Variants in CTNNA1 observed in about 807,000 individuals in gnomAD.
CTNNA1 encodes catenin alpha 1, also known as catenin alpha-1.
CTNNA1 carries 37 observed loss-of-function variants against 98.4 expected under a neutral mutation model. The ratio of observed to expected loss-of-function variants is 0.38; its 90% CI spans 0.29 to 0.49. The LOEUF is 0.49. Ranked by LOEUF, CTNNA1 falls within the 20% of genes least tolerant of loss-of-function variation. CTNNA1 has a pLI of 0.95. For synonymous variants in CTNNA1, 404 were observed against 413.2 expected, an observed-to-expected ratio of 0.98 and a Z score of 0.27; for missense variants, 761 against 1,147.2, an observed-to-expected ratio of 0.66 and a Z score of 4.86.
At chr5:138,799,835 A>G (rs927149792) in intron 3 of CTNNA1, among the ~76,000 whole-genome samples, 1 of 151,342 alleles carries the variant, frequency 6.6e-6, no homozygotes, top group Non-Finnish European at 1.5e-5. Flanking sequence ...GCTGTGAGCT[A>G]AAATAAATTA....
chr5:138,881,149 C>G (rs1752820137), intron 7 of CTNNA1: 1 of 455,464 alleles, frequency 2.2e-6, no homozygotes, highest in Non-Finnish European at 4.4e-6. Context: ...TAAGACTGTC[C>G]TCCTTGAGAG....
intron 9 of CTNNA1, among the ~76,000 whole-genome samples, chr5:138,902,378 T>C (rs559961079): frequency 3.2e-4 from 49 of 152,314 alleles, no homozygotes; most frequent in African/African-American, 9.1e-4. Context: ...TCCTAAATGA[T>C]TGGAATAGGC....
At chr5:138,773,907 A>C (rs535561747) in intron 1 of CTNNA1, among the ~76,000 whole-genome samples, 17 of 152,158 alleles carry the variant, frequency 1.1e-4, no homozygotes, top group Admixed American at 7.2e-4. Flanking sequence ...TTTCTGAGAC[A>C]AAGTCTCACT....
intron 1 of CTNNA1, among the ~76,000 whole-genome samples, chr5:138,767,031 ACTTTT>A (rs1268019579): frequency 1.3e-5 from 2 of 151,254 alleles, no homozygotes; most frequent in Admixed American, 1.3e-4. Context: ...GAATTTCATA[ACTTTT>A]CTTTCTTTCT....
At chr5:138,930,375 C>A in intron 14 of CTNNA1, 98 bp from the exon 15 acceptor site, 1 of 864,912 alleles carries the variant, frequency 1.2e-6, no homozygotes, top group Non-Finnish European at 1.8e-6. Context: ...ATTATCCTAC[C>A]TATGCCACAG....
rs1290775003 is a variant in CTNNA1 at position 138,934,018 on chromosome 5, C to G, written c.2650C>G (p.Arg884Gly). The change falls in exon 18 of 18, where the codon CGG (arginine) becomes GGG (glycine). Residue 884 changes from arginine (R) to glycine (G), a missense_variant. Around this residue, in one of 6 missense-constraint regions of CTNNA1, gnomAD observed 57 missense variants for 90.9 expected, o/e 0.63. Coordinates refer to ENST00000302763, the MANE Select transcript of CTNNA1 (RefSeq NM_001903.5). ...KQDETQTKIK[R>G]ASQKKHVNPV... ...GGATGAGACACAGACCAAGATTAAA[C>G]GGGCATCTCAGAAGAAGCACGTGAA... is the stretch of plus-strand genomic sequence containing the variant. 1 of 1,613,946 alleles carries G rather than the reference C, an allele frequency of 6.2e-7. No individual in the cohort carries two copies. The highest frequency in any genetic ancestry group is 8.5e-7 in the Non-Finnish European group (1 of 1,179,996).
At chr5:138,881,788 G>A (rs1320816363) in intron 7 of CTNNA1, among the ~76,000 whole-genome samples, 4 of 152,056 alleles carry the variant, frequency 2.6e-5, no homozygotes, top group African/African-American at 9.7e-5. Flanking sequence ...ATTTTCTAAT[G>A]GCTGAGGAGG....
chr5:138,830,692 T>C (rs1761189275), intron 7 of CTNNA1, among the ~76,000 whole-genome samples: 1 of 152,246 alleles, frequency 6.6e-6, no homozygotes. Context: ...AATGTCTGCC[T>C]GTCAGTCAGT....
rs1580855501 is a variant in CTNNA1, at chr5:138,924,633, C to T, written c.1670C>T (p.Thr557Ile). 6.2e-7 allele frequency: 1 copy of T among 1,612,962 alleles called. No individual in the cohort carries two copies. Among genetic ancestry groups the T allele is most frequent in the Middle Eastern group, 1.7e-4 (1 of 6,054 alleles). ...GRAARVIHVVTSEMDNYEPGV... is the reference protein window; with the variant it reads ...GRAARVIHVVISEMDNYEPGV... ...GCAGCCCGGGTCATTCACGTAGTCA[C>T]CTCAGAGATGGACAACTATGAGCCA... The change falls in exon 12 of 18, where the codon ACC becomes ATC. Residue 557 changes from threonine to isoleucine, a missense_variant. Physicochemically the swap from Thr to Ile is moderately conservative, Grantham distance 89 (BLOSUM62 -1). Coordinates refer to ENST00000302763, the MANE Select transcript of CTNNA1 (RefSeq NM_001903.5).
rs1753313303 is a variant in CTNNA1, at chr5:138,883,171, CTTGTTTTAAA to C, written c.1063-3040_1063-3031del. On this transcript the variant is annotated intron_variant, in intron 7 of 17. Coordinates refer to ENST00000302763, the MANE Select transcript of CTNNA1 (RefSeq NM_001903.5). ...CATGAGCCACCGCGCCTGGCAGAAT[CTTGTTTTAAA>C]ATGAGCAAGCTTTATACTTTCCTCA... 2.6e-5 allele frequency among the ~76,000 whole-genome samples: 4 copies of C among 152,264 alleles called. No homozygotes were observed. The South Asian group carries it at 8.3e-4, about 32-fold the overall frequency.
intron 1 of CTNNA1, among the ~76,000 whole-genome samples, chr5:138,762,524 G>A (rs1311225560): frequency 6.6e-6 from 1 of 151,182 alleles, no homozygotes; most frequent in Non-Finnish European, 1.5e-5. Flanking sequence ...TTTTCTCCAT[G>A]TGGAAGTATG....
intron 11 of CTNNA1, among the ~76,000 whole-genome samples, chr5:138,923,025 TC>T (rs1336479306): frequency 3.3e-5 from 5 of 151,990 alleles, no homozygotes; most frequent in African/African-American, 1.2e-4. Context: ...ATGCCATACT[TC>T]ATTGATTCTG....
At chr5:138,930,030 G>A (rs1438808540) in intron 14 of CTNNA1, among the ~76,000 whole-genome samples, 2 of 152,104 alleles carry the variant, frequency 1.3e-5, no homozygotes, top group African/African-American at 4.8e-5. Flanking sequence ...GAGTGCCAGC[G>A]GTATCTCTCA....
At position 138,874,390 on chromosome 5, in the gene CTNNA1, G is replaced by GT. The variant is rs1751053120; in HGVS notation, c.1063-11819dup. On this transcript the variant is annotated intron_variant, in intron 7 of 17. Transcript: ENST00000302763. This position sits in a 1 kb window ranked among gnomAD's most constrained non-coding sequence, Gnocchi z 4.1. ...GGCCCAGAGAGCCCTTGTCTGTGGCGTTTGGCACTGAGTGGAAGCCCTGAG... is the reference window on the plus strand; with the variant it reads ...GGCCCAGAGAGCCCTTGTCTGTGGCGTTTTGGCACTGAGTGGAAGCCCTGAG... 1 of 1,613,862 alleles carries GT rather than the reference G, an allele frequency of 6.2e-7. No homozygotes were observed. Among genetic ancestry groups the GT allele is most frequent in the African/African-American group, 1.3e-5 (1 of 74,920 alleles).
intron 3 of CTNNA1, among the ~76,000 whole-genome samples, chr5:138,799,857 G>GATGGATGGATGTATGTATGT (rs151142176): frequency 4.0e-5 from 6 of 149,024 alleles, no homozygotes; most frequent in African/African-American, 1.5e-4. Context: ...AGTAGATGTA[G>GATGGATGGATGTATGTATGT]ATGTATGTAT....
At chr5:138,764,905 TCGCCCA>T (rs1752759432) in intron 1 of CTNNA1, among the ~76,000 whole-genome samples, 16 of 134,790 alleles carry the variant, frequency 1.2e-4, no homozygotes, top group African/African-American at 4.2e-4. Flanking sequence ...TCTCGCCCTG[TCGCCCA>T]TGCTGGAGTG....
At chr5:138,802,871 C>G (rs2149709432) in intron 3 of CTNNA1, among the ~76,000 whole-genome samples, 1 of 152,184 alleles carries the variant, frequency 6.6e-6, no homozygotes, top group East Asian at 1.9e-4. Flanking sequence ...AGTCCCAGCT[C>G]ACTGTAGCCT....
intron 3 of CTNNA1, among the ~76,000 whole-genome samples, chr5:138,804,505 T>A (rs1379800125): frequency 6.6e-6 from 1 of 152,262 alleles, no homozygotes; most frequent in Non-Finnish European, 1.5e-5. Flanking sequence ...AAGCATTACC[T>A]TCTGTCTCTA....
intron 6 of CTNNA1, among the ~76,000 whole-genome samples, chr5:138,826,461 C>G (rs971165392): frequency 6.6e-6 from 1 of 152,150 alleles, no homozygotes; most frequent in South Asian, 2.1e-4. Flanking sequence ...CACCTTGTAC[C>G]TATAGCTTAC....
Sources: allele counts gnomAD v4.1 joint callset (sites outside exome capture counted in the v4.1 genomes callset), GRCh38; gene constraint gnomAD v4.1.1; regional missense constraint gnomAD v4.1.1; non-coding constraint Gnocchi (gnomAD v3.1); transcripts MANE v1.5; gene names NCBI Gene and HGNC (gene_info 2026-07-23, HGNC 2026-07-21).